ATP8A1: variants seen among roughly 807,000 people sequenced by gnomAD.
ATP8A1 encodes phospholipid-transporting ATPase IA.
A neutral mutation model predicts 177.7 loss-of-function variants in ATP8A1; 90 were observed. That is an observed-to-expected ratio of 0.51 (90% CI 0.43 to 0.60). The LOEUF (loss-of-function observed/expected upper bound fraction) is 0.60. Ranked by LOEUF, ATP8A1 falls within the 20% of genes least tolerant of loss-of-function variation. The pLI, the probability that ATP8A1 is intolerant of heterozygous loss-of-function variation, is 0.00. For missense variants in ATP8A1, 1,072 were observed against 1,392.8 expected, an observed-to-expected ratio of 0.77 and a Z score of 3.67; for synonymous variants, 493 against 485.9, an observed-to-expected ratio of 1.01 and a Z score of -0.19.
At chr4:42,527,092 G>T (rs1330425814) in intron 20 of ATP8A1, among the ~76,000 whole-genome samples, 1 of 152,210 alleles carries the variant, frequency 6.6e-6, no homozygotes, top group Non-Finnish European at 1.5e-5. Flanking sequence ...ACAAAGTAAT[G>T]AAAGAAAATG....
At chr4:42,548,503 G>T (rs1294975815) in intron 19 of ATP8A1, among the ~76,000 whole-genome samples, 2 of 152,208 alleles carry the variant, frequency 1.3e-5, no homozygotes, top group Non-Finnish European at 2.9e-5. Flanking sequence ...AAATTGGGGT[G>T]TTTGGGATAT....
intron 5 of ATP8A1, among the ~76,000 whole-genome samples, chr4:42,604,933 G>A (rs1369277163): frequency 1.3e-5 from 2 of 152,190 alleles, no homozygotes; most frequent in African/African-American, 4.8e-5. Context: ...GCCACGTATT[G>A]TATGATCCCA....
intron 24 of ATP8A1, among the ~76,000 whole-genome samples, chr4:42,485,942 T>G (rs550159243): frequency 6.6e-6 from 1 of 152,336 alleles, no homozygotes; most frequent in Admixed American, 6.5e-5. Flanking sequence ...CAGGTGATTC[T>G]GTAGTCTTTG....
chr4:42,476,526 G>A (rs1721082051), intron 25 of ATP8A1, among the ~76,000 whole-genome samples: 1 of 151,870 alleles, frequency 6.6e-6, no homozygotes, highest in Admixed American at 6.6e-5. Context: ...GGCTGAGGCA[G>A]AAGAATTGCT....
At chr4:42,480,720 G>C (rs1037523355) in intron 25 of ATP8A1, among the ~76,000 whole-genome samples, 1 of 152,162 alleles carries the variant, frequency 6.6e-6, no homozygotes, top group African/African-American at 2.4e-5. Context: ...CCCTTGATAG[G>C]AGTAAGGTGA....
chr4:42,498,782 A>G (rs191207913), intron 24 of ATP8A1, among the ~76,000 whole-genome samples: 7 of 152,292 alleles, frequency 4.6e-5, no homozygotes, highest in Admixed American at 2.0e-4. Context: ...CCACCCCTAA[A>G]TGAGATGGAC....
intron 24 of ATP8A1, among the ~76,000 whole-genome samples, chr4:42,495,427 C>CCT (rs1479809448): frequency 2.0e-5 from 3 of 152,176 alleles, no homozygotes; most frequent in Non-Finnish European, 4.4e-5. Context: ...TATCAATACT[C>CCT]CTCCAGCTAC....
intron 1 of ATP8A1, among the ~76,000 whole-genome samples, chr4:42,651,620 C>G (rs925392337): frequency 5.3e-5 from 8 of 152,226 alleles, no homozygotes; most frequent in African/African-American, 1.7e-4. Flanking sequence ...CAAGTGGAAA[C>G]CAATGCAAAA....
chr4:42,603,708 C>T (rs974986457), intron 5 of ATP8A1, among the ~76,000 whole-genome samples: 14 of 152,092 alleles, frequency 9.2e-5, no homozygotes, highest in African/African-American at 3.4e-4. Flanking sequence ...AAATCTTCTC[C>T]ACCATCACCA....
chr4:42,513,319 T>C lies in ATP8A1; in HGVS notation c.1948-6165A>G, dbSNP rs1473823702. On this transcript the variant is annotated intron_variant, in intron 22 of 36. Coordinates refer to ENST00000381668, the MANE Select transcript of ATP8A1 (RefSeq NM_006095.2). Reference sequence around the variant, plus strand: ...GTGCTCCCCTGGAAGAATCACGTTATATGTTATACCCTATCTTAAAAAATG... The same window carrying C: ...GTGCTCCCCTGGAAGAATCACGTTACATGTTATACCCTATCTTAAAAAATG... Among the ~76,000 whole-genome samples, 5 of 152,228 alleles carry C rather than the reference T, an allele frequency of 3.3e-5. No homozygotes were observed. In the East Asian group the frequency reaches 9.6e-4, roughly 29 times the overall value.
At chr4:42,567,641 T>C (rs902453962) in intron 15 of ATP8A1, among the ~76,000 whole-genome samples, 46 of 152,346 alleles carry the variant, frequency 3.0e-4, no homozygotes, top group African/African-American at 1.0e-3. Context: ...AGTGGAAATG[T>C]ACAAGCAATT....
At chr4:42,528,355 G>A (rs915686968) in intron 20 of ATP8A1, among the ~76,000 whole-genome samples, 2 of 152,040 alleles carry the variant, frequency 1.3e-5, no homozygotes, top group East Asian at 3.8e-4. Flanking sequence ...ATCCCTGGAG[G>A]GATTACAGAG....
intron 5 of ATP8A1, among the ~76,000 whole-genome samples, chr4:42,610,152 GC>G (rs1336265490): frequency 7.0e-6 from 1 of 142,026 alleles, no homozygotes; most frequent in East Asian, 2.0e-4. Flanking sequence ...CTCTCATTTG[GC>G]CCTTAATTTT....
At chr4:42,430,742 T>C (rs937973482) in intron 33 of ATP8A1, among the ~76,000 whole-genome samples, 1 of 152,194 alleles carries the variant, frequency 6.6e-6, no homozygotes, top group Non-Finnish European at 1.5e-5. Context: ...TAGTTTTCTG[T>C]TCCTGCATTA....
chr4:42,634,198 C>A (rs1739041431), intron 1 of ATP8A1, among the ~76,000 whole-genome samples: 1 of 152,194 alleles, frequency 6.6e-6, no homozygotes, highest in Non-Finnish European at 1.5e-5. Flanking sequence ...GGAGGCAGAG[C>A]TGGCATGAGC....
At chr4:42,464,870 G>A (rs754432040) in intron 26 of ATP8A1, 23 bp downstream of exon 26, 1 of 1,613,080 alleles carries the variant, frequency 6.2e-7, no homozygotes, top group Non-Finnish European at 8.5e-7. Context: ...GGAATGATGT[G>A]TTTTGCAGAA....
chr4:42,420,995 C>T (rs1220864069), intron 35 of ATP8A1, among the ~76,000 whole-genome samples: 1 of 152,082 alleles, frequency 6.6e-6, no homozygotes, highest in Non-Finnish European at 1.5e-5. Context: ...GTCTCGATCT[C>T]CTGACCTCGT....
intron 10 of ATP8A1, 74 bp from the exon 11 acceptor site, chr4:42,580,052 G>A: frequency 8.2e-7 from 1 of 1,217,692 alleles, no homozygotes; most frequent in Admixed American, 2.8e-5. Flanking sequence ...GTATTCTGTT[G>A]AGGATGACAA....
At chr4:42,421,459 C>T (rs560863483) in intron 35 of ATP8A1, among the ~76,000 whole-genome samples, 17 of 152,114 alleles carry the variant, frequency 1.1e-4, no homozygotes, top group African/African-American at 3.9e-4. Flanking sequence ...TCTCGAAGCC[C>T]CAGTTTCCTC....
Sources: gnomAD v4.1 joint callset for allele counts (sites outside exome capture counted in the v4.1 genomes callset) on GRCh38, gnomAD v4.1.1 for gene constraint, MANE v1.5 for transcripts, NCBI Gene and HGNC (gene_info 2026-07-23, HGNC 2026-07-21) for gene names.